The following SIAH3 variants were observed in gnomAD, a reference collection of about 807,000 sequenced individuals.
SIAH3 encodes the protein siah E3 ubiquitin protein ligase family member 3, also known as seven in absentia homolog 3.
SIAH3 carries 9 observed loss-of-function variants against 12.6 expected under a neutral mutation model. The observed-to-expected ratio is 0.72, with a 90% CI of 0.43 to 1.25. SIAH3 has a LOEUF of 1.25. SIAH3 is among the 50% of genes most tolerant of loss of function. SIAH3 has a pLI of 0.00. For missense variants in SIAH3, 390 were observed against 365.4 expected (o/e 1.07, Z -0.55); for synonymous variants, 154 against 151.1 (o/e 1.02, Z -0.14).
In SIAH3 at chr13:45,802,308, CA is replaced by C. The variant is rs71184428; in HGVS notation, c.136-18252del. 2.6e-5 allele frequency among the ~76,000 whole-genome samples: 4 copies of C among 151,788 alleles called. No individual in the cohort carries two copies. In the South Asian group the frequency reaches 6.3e-4, roughly 24 times the overall value. ...GTGACAGAGCGAGACTCCATCTCAA[CA>C]AAAAATAAAAGCAAGAAGAAGAAAG... On this transcript the variant is annotated intron_variant, in intron 1 of 1. Coordinates refer to ENST00000400405, the MANE Select transcript of SIAH3 (RefSeq NM_198849.3).
intron 1 of SIAH3, among the ~76,000 whole-genome samples, chr13:45,824,832 T>G (rs1245501239): frequency 6.6e-6 from 1 of 150,736 alleles, no homozygotes; most frequent in Admixed American, 6.6e-5. Context: ...ACCACGAGAT[T>G]GCGCCACTGC....
chr13:45,826,465 A>C (rs58920260), intron 1 of SIAH3, among the ~76,000 whole-genome samples: 1 of 74,040 alleles, frequency 1.4e-5, no homozygotes, highest in Non-Finnish European at 2.4e-5. Context: ...GGATGAATGG[A>C]TGGATGGATG....
rs1201250209 is a variant in SIAH3, at chr13:45,779,023, C to G, written c.*4360G>C. On this transcript the variant is annotated 3_prime_UTR_variant, in exon 2 of 2. Transcript: ENST00000400405. Reference sequence around the variant, plus strand: ...ACTGGCTTTCTAGGGAGAAAAATCCCTGTCTAGTAGCATTTGCTAATTTCC... The same window carrying G: ...ACTGGCTTTCTAGGGAGAAAAATCCGTGTCTAGTAGCATTTGCTAATTTCC... 6.6e-6 allele frequency: 1 copy of G among 152,130 alleles called. No individual in the cohort carries two copies. The highest frequency in any genetic ancestry group is 1.5e-5 in the Non-Finnish European group (1 of 68,018). 9.4% of individuals were successfully genotyped at this position (152,130 alleles called of 1,614,324 possible).
At chr13:45,784,538 T>C (rs779687983) in intron 1 of SIAH3, among the ~76,000 whole-genome samples, 5 of 151,990 alleles carry the variant, frequency 3.3e-5, no homozygotes, top group Admixed American at 6.6e-5. Context: ...CCATTTGTCC[T>C]TCCAGTGTAG....
intron 1 of SIAH3, among the ~76,000 whole-genome samples, chr13:45,811,445 G>A (rs377201727): frequency 1.3e-5 from 2 of 152,002 alleles, no homozygotes; most frequent in South Asian, 2.1e-4. Context: ...TTTGAGACAC[G>A]GTCTTGCTCT....
chr13:45,797,871 A>G (rs1474486644), intron 1 of SIAH3, among the ~76,000 whole-genome samples: 1 of 152,200 alleles, frequency 6.6e-6, no homozygotes, highest in Non-Finnish European at 1.5e-5. Flanking sequence ...ATCTCTTTCT[A>G]ACACTCTGAT....
At position 45,851,750 on chromosome 13, in the gene SIAH3, A is replaced by C. The variant is rs1950783318; in HGVS notation, c.-121T>G. ...CCAGCCCGGCTTAGCGCGCCTTCAT[A>C]TTCATCATCAAAATAAGACGGTTAG... On this transcript the variant is annotated 5_prime_UTR_variant, in exon 1 of 2. Coordinates refer to ENST00000400405, the MANE Select transcript of SIAH3 (RefSeq NM_198849.3). The C allele has an allele frequency of 1.7e-6, 2 of 1,205,590 alleles. No homozygotes were observed. The highest frequency in any genetic ancestry group is 2.3e-6 in the Non-Finnish European group (2 of 852,334). The allele number at this position is 1,205,590 out of a possible 1,614,324, so 74.7% of individuals were successfully genotyped here. A position where few individuals can be genotyped will look rare whatever the true frequency, so the allele number is the denominator to read the frequency against.
chr13:45,792,653 T>TGG (rs35638342), intron 1 of SIAH3, among the ~76,000 whole-genome samples: 97,158 of 151,816 alleles, frequency 0.64, 31,738 homozygotes, highest in Non-Finnish European at 0.7. Context: ...CCACTGTGTC[T>TGG]GGCCATGAAG....
chr13:45,791,120 T>C (rs1950544367), intron 1 of SIAH3, among the ~76,000 whole-genome samples: 3 of 151,284 alleles, frequency 2.0e-5, no homozygotes, highest in Non-Finnish European at 4.4e-5. Flanking sequence ...GCTGAGATCA[T>C]GCCACTGCAC....
At chr13:45,845,246 T>C (rs912793114) in intron 1 of SIAH3, among the ~76,000 whole-genome samples, 1 of 139,136 alleles carries the variant, frequency 7.2e-6, no homozygotes, top group African/African-American at 2.9e-5. Flanking sequence ...ATGTTGACTT[T>C]GTGTGTATGC....
chr13:45,807,542 GA>G lies in SIAH3; in HGVS notation c.136-23486del, dbSNP rs570745951. Among the ~76,000 whole-genome samples the G allele has an allele frequency of 5.3e-3, 809 of 152,062 alleles. 7 individuals carry two copies. Among genetic ancestry groups the G allele is most frequent in the African/African-American group, 0.018 (760 of 41,494 alleles). The stretch of plus-strand genomic sequence containing the variant: ...GGAAGTTTAGCATTGTATATTATTA[GA>G]GAAAAAAAAATCCCCTACTCCTACT... On this transcript the variant is annotated intron_variant, in intron 1 of 1. Transcript: ENST00000400405.
At chr13:45,842,890 T>C (rs971408917) in intron 1 of SIAH3, among the ~76,000 whole-genome samples, 6 of 152,154 alleles carry the variant, frequency 3.9e-5, no homozygotes, top group African/African-American at 1.4e-4. Context: ...GGGTCTTGTT[T>C]ATCTCTATTT....
chr13:45,802,243 C>T (rs1468284235), intron 1 of SIAH3, among the ~76,000 whole-genome samples: 1 of 152,104 alleles, frequency 6.6e-6, no homozygotes, highest in East Asian at 1.9e-4. Flanking sequence ...GAGGTGGATG[C>T]TGCAGTGAGC....
chr13:45,826,923 C>T (rs568617285), intron 1 of SIAH3, among the ~76,000 whole-genome samples: 4 of 152,240 alleles, frequency 2.6e-5, no homozygotes, highest in Admixed American at 6.5e-5. Context: ...TGTCTCTGGG[C>T]GATGTACACA....
Position 45,783,542 on chromosome 13 carries a change from C to G in SIAH3, c.651G>C (p.Thr217=). Residue 217 remains threonine (T), a synonymous_variant, in exon 2 of 2, where the codon ACG becomes ACC. Transcript: ENST00000400405. ...RNHRRLKWEA[T]PRSVLECVDS... ...CCACGCACTCAAGAACAGACCGGGG[C>G]GTGGCCTCCCACTTGAGGCGCCGAT... 1 of 1,614,180 alleles carries G rather than the reference C, an allele frequency of 6.2e-7. No homozygotes were observed. Among genetic ancestry groups the G allele is most frequent in the Non-Finnish European group, 8.5e-7 (1 of 1,180,034 alleles).
chr13:45,794,608 G>A (rs2137553811), intron 1 of SIAH3, among the ~76,000 whole-genome samples: 1 of 152,246 alleles, frequency 6.6e-6, no homozygotes, highest in South Asian at 2.1e-4. Context: ...TATGAGAGCT[G>A]ATGGTTTTAT....
rs866549709 is a variant in SIAH3, at chr13:45,783,269, T to A, written c.*114A>T. On this transcript the variant is annotated 3_prime_UTR_variant, in exon 2 of 2. Coordinates refer to ENST00000400405, the MANE Select transcript of SIAH3 (RefSeq NM_198849.3). ...ACAAAAAAATAATAATAATTAAAAA[T>A]TAAAAAAAAAAAAAAGAAAGGAGAA... 7,922 of 645,870 alleles carry A rather than the reference T, an allele frequency of 0.012. 93 individuals are homozygous for A. The highest frequency in any genetic ancestry group is 0.048 in the African/African-American group (2,200 of 45,938). 40.0% of individuals were successfully genotyped at this position (645,870 alleles called of 1,614,324 possible).
At chr13:45,832,271 G>T (rs1950702007) in intron 1 of SIAH3, among the ~76,000 whole-genome samples, 1 of 152,200 alleles carries the variant, frequency 6.6e-6, no homozygotes. Context: ...TTCACAATTT[G>T]TGTGACCATC....
At chr13:45,802,637 C>T (rs1423372891) in intron 1 of SIAH3, among the ~76,000 whole-genome samples, 2 of 152,166 alleles carry the variant, frequency 1.3e-5, no homozygotes, top group Non-Finnish European at 2.9e-5. Flanking sequence ...TGGGATAATG[C>T]AATATTCTAA....
Sources: allele counts gnomAD v4.1 joint callset (sites outside exome capture counted in the v4.1 genomes callset), GRCh38; gene constraint gnomAD v4.1.1; transcripts MANE v1.5; gene names NCBI Gene and HGNC (gene_info 2026-07-23, HGNC 2026-07-21).